The following VOPP1 variants were observed in gnomAD, a reference collection of about 807,000 sequenced individuals.
VOPP1 encodes the protein WW domain binding protein VOPP1.
In VOPP1, 8 loss-of-function variants were observed where a neutral mutation model predicts 23.5. The observed-to-expected ratio is 0.34, with a 90% confidence interval of 0.20 to 0.61. The LOEUF (loss-of-function observed/expected upper bound fraction) is 0.61, where lower values mean the gene tolerates loss of function less well. VOPP1 is among the 20% of genes least tolerant of loss of function. The pLI, the probability that VOPP1 is intolerant of heterozygous loss-of-function variation, is 0.78. For missense variants in VOPP1, 174 were observed against 238.1 expected (o/e 0.73, Z 1.77); for synonymous variants, 83 against 97.3 (o/e 0.85, Z 0.86).
At chr7:55,464,335 T>C (rs1461772523) in intron 4 of VOPP1, among the ~76,000 whole-genome samples, 1 of 152,068 alleles carries the variant, frequency 6.6e-6, no homozygotes, top group Admixed American at 6.6e-5. Flanking sequence ...GATCCTCAGG[T>C]CCCCTTTATG....
chr7:55,506,804 A>G (rs545700450), intron 2 of VOPP1, among the ~76,000 whole-genome samples: 11 of 152,056 alleles, frequency 7.2e-5, no homozygotes, highest in Non-Finnish European at 1.3e-4. Context: ...ATGCCTGGCT[A>G]ATTTTTGTAT....
intron 1 of VOPP1, among the ~76,000 whole-genome samples, chr7:55,522,116 G>A (rs958548546): frequency 2.6e-5 from 4 of 152,182 alleles, no homozygotes; most frequent in African/African-American, 9.7e-5. Context: ...CCTCCGGTGG[G>A]AGGGTGGCTG....
intron 1 of VOPP1, among the ~76,000 whole-genome samples, chr7:55,539,046 G>GGA (rs1796982830): frequency 6.9e-6 from 1 of 145,686 alleles, no homozygotes; most frequent in Non-Finnish European, 1.5e-5. Flanking sequence ...AAAAAGGGGG[G>GGA]GGGGGAGGGG....
chr7:55,444,422 A>G (rs116304966), intron 4 of VOPP1, among the ~76,000 whole-genome samples: 3,850 of 152,276 alleles, frequency 0.025, 115 homozygotes, highest in African/African-American at 0.072. Context: ...TTGAGTCCCT[A>G]TGACATGGCA....
At chr7:55,566,027 A>G (rs1371846596) in intron 1 of VOPP1, among the ~76,000 whole-genome samples, 3 of 152,250 alleles carry the variant, frequency 2.0e-5, no homozygotes, top group Non-Finnish European at 4.4e-5. Flanking sequence ...ACACACAGAC[A>G]GCAAACAGGC....
At position 55,456,722 on chromosome 7, in the gene VOPP1, T is replaced by C. The variant is rs181790132; in HGVS notation, n.418-20548A>G. Reference sequence around the variant, plus strand: ...GAACAGAAAACCGAACACCGCATGTTCTCACTCATAAGTGGGAGTTGAACA... The same window carrying C: ...GAACAGAAAACCGAACACCGCATGTCCTCACTCATAAGTGGGAGTTGAACA... On this transcript the variant is annotated intron_variant and non_coding_transcript_variant, in intron 4 of 4. Transcript: ENST00000462326. Among the ~76,000 whole-genome samples the C allele has an allele frequency of 8.5e-5, 13 of 152,274 alleles. 1 individual carries two copies. The East Asian group carries it at 2.5e-3, about 29-fold the overall frequency.
At chr7:55,521,051 C>G (rs1445292769) in intron 2 of VOPP1, 21 bp downstream of exon 2, 1 of 1,561,658 alleles carries the variant, frequency 6.4e-7, no homozygotes, top group Non-Finnish European at 8.7e-7. Flanking sequence ...AATGAAACCA[C>G]AGAAAGGTGC....
chr7:55,568,888 TCCTGTAAGGATTGTTTGCAGGA>T (rs1209430824), intron 1 of VOPP1, among the ~76,000 whole-genome samples: 1 of 152,194 alleles, frequency 6.6e-6, no homozygotes, highest in Admixed American at 6.5e-5. Context: ...CTTTCACTCT[TCCTGTAAGGATTGTTTGCAGGA>T]CCTCACTTCA....
At chr7:55,523,228 G>C (rs2129042601) in intron 1 of VOPP1, among the ~76,000 whole-genome samples, 1 of 152,202 alleles carries the variant, frequency 6.6e-6, no homozygotes, top group African/African-American at 2.4e-5. Flanking sequence ...AAAAAGCATA[G>C]GCAAAAACAA....
intron 1 of VOPP1, among the ~76,000 whole-genome samples, chr7:55,528,540 C>A (rs778183861): frequency 1.3e-5 from 2 of 152,086 alleles, no homozygotes; most frequent in African/African-American, 4.8e-5. Context: ...CAAAAATTAG[C>A]TGGGCGTGGT....
chr7:55,465,229 TG>T (rs1359616968), intron 4 of VOPP1, among the ~76,000 whole-genome samples: 2 of 152,246 alleles, frequency 1.3e-5, no homozygotes, highest in African/African-American at 2.4e-5. Flanking sequence ...TACAAAATAC[TG>T]TTTACACTTC....
Position 55,550,221 on chromosome 7 carries a change from C to T in VOPP1, c.54+22050G>A, listed in dbSNP as rs563877307. On this transcript the variant is annotated intron_variant, in intron 1 of 4. Transcript: ENST00000285279. ...GCCGCCATAAAAGCCGAAGGTGCGA[C>T]ACCAGCCCAACAGCAGCCACTAGGT... is the stretch of plus-strand genomic sequence containing the variant. 3.0e-4 allele frequency among the ~76,000 whole-genome samples: 45 copies of T among 152,352 alleles called. 1 individual carries two copies. In the South Asian group the frequency reaches 9.3e-3, roughly 32 times the overall value.
At chr7:55,485,799 G>A (rs1334882110) in intron 4 of VOPP1, among the ~76,000 whole-genome samples, 1 of 152,234 alleles carries the variant, frequency 6.6e-6, no homozygotes, top group African/African-American at 2.4e-5. Context: ...TGCAACAAGG[G>A]ACCTCCAGTC....
chr7:55,510,854 GTC>G (rs1795027634), intron 2 of VOPP1, among the ~76,000 whole-genome samples: 2 of 151,924 alleles, frequency 1.3e-5, no homozygotes, highest in African/African-American at 4.8e-5. Flanking sequence ...TCCTCCCAAA[GTC>G]TCTGCTCCAC....
chr7:55,482,994 C>T (rs557874248), intron 4 of VOPP1, among the ~76,000 whole-genome samples: 2 of 152,320 alleles, frequency 1.3e-5, no homozygotes, highest in South Asian at 4.1e-4. Context: ...AGCAGATCCT[C>T]AAGCATCTGC....
chr7:55,547,789 G>A (rs531235257), intron 1 of VOPP1, among the ~76,000 whole-genome samples: 6 of 152,048 alleles, frequency 3.9e-5, no homozygotes, highest in Non-Finnish European at 5.9e-5. Flanking sequence ...CCTCTTCCCC[G>A]CCATATCTTT....
intron 2 of VOPP1, among the ~76,000 whole-genome samples, chr7:55,520,350 C>G (rs1280867641): frequency 6.6e-6 from 1 of 152,098 alleles, no homozygotes; most frequent in Non-Finnish European, 1.5e-5. Flanking sequence ...TTAGGGCATT[C>G]GACTCAATAC....
intron 1 of VOPP1, among the ~76,000 whole-genome samples, chr7:55,562,279 G>A (rs1054433997): frequency 2.6e-5 from 4 of 152,120 alleles, no homozygotes; most frequent in Admixed American, 6.5e-5. Context: ...GCCCTGGTCC[G>A]GATGCTGGTC....
At chr7:55,441,147 G>A (rs745993147) in intron 4 of VOPP1, among the ~76,000 whole-genome samples, 1 of 152,192 alleles carries the variant, frequency 6.6e-6, no homozygotes, top group Non-Finnish European at 1.5e-5. Flanking sequence ...CCGGCACAGA[G>A]CCGCCCGCTC....
Sources: gnomAD v4.1 joint callset for allele counts (sites outside exome capture counted in the v4.1 genomes callset) on GRCh38, gnomAD v4.1.1 for gene constraint, MANE v1.5 for transcripts, NCBI Gene and HGNC (gene_info 2026-07-23, HGNC 2026-07-21) for gene names.